NEB: variants seen among roughly 807,000 people sequenced by gnomAD.
The protein encoded by NEB is nemaline myopathy type 2.
Under a neutral mutation model 952.2 loss-of-function variants are expected in NEB, and 512 were observed. That is an observed-to-expected ratio of 0.54 (90% CI 0.50 to 0.58). The LOEUF (loss-of-function observed/expected upper bound fraction) is 0.58. NEB is among the 20% of genes least tolerant of loss of function. The pLI is 0.00. For synonymous variants in NEB, 2,900 were observed against 3,149.8 expected (o/e 0.92, Z 2.66); for missense variants, 8,428 against 9,231.1 (o/e 0.91, Z 3.56).
chr2:151,617,539 T>C (rs2098244603), intron 74 of NEB, 71 bp from the exon 75 acceptor site: 1 of 959,534 alleles, frequency 1.0e-6, no homozygotes, highest in Non-Finnish European at 1.5e-6. Flanking sequence ...ATTATTGTTT[T>C]GATTATGTGC....
Position 151,633,868 on chromosome 2 carries a change from G to A in NEB, c.9200C>T (p.Ala3067Val). 1 of 1,613,972 alleles carries A rather than the reference G, an allele frequency of 6.2e-7. No homozygotes were observed. The change falls in exon 65 of 182, where the codon GCC (alanine) becomes GTC (valine). Residue 3067 changes from alanine (A) to valine (V), a missense_variant. Transcript: ENST00000397345. Reference protein sequence around the residue: ...DPKMMWSMHVAKIQSDREYKK... With the variant: ...DPKMMWSMHVVKIQSDREYKK... ...GTACTCCCTGTCACTCTGGATCTTG[G>A]CTACGTGCATGGACCACATCATCTT...
intron 124 of NEB, among the ~76,000 whole-genome samples, chr2:151,559,726 T>C (rs1299093010): frequency 6.6e-6 from 1 of 152,038 alleles, no homozygotes; most frequent in African/African-American, 2.4e-5. Flanking sequence ...CACTCGTAAG[T>C]GGGGGTTGAA....
chr2:151,618,170 G>A, intron 74 of NEB, 105 bp downstream of exon 74: 3 of 989,344 alleles, frequency 3.0e-6, no homozygotes, highest in East Asian at 4.9e-5. Context: ...ATTTAAGAAG[G>A]TATCATAATG....
At chr2:151,723,706 T>G (rs1013195883) in intron 8 of NEB, among the ~76,000 whole-genome samples, 3 of 151,882 alleles carry the variant, frequency 2.0e-5, no homozygotes, top group Non-Finnish European at 2.9e-5. Context: ...CAGATGTGTC[T>G]GATTTTGTTT....
In NEB at chr2:151,496,271, A is replaced by C. The variant is rs778743839; in HGVS notation, c.24486+5T>G. ...AAGTAGTTTTTTTCTTTTCTCGCCA[A>C]GTACCGAGCTAATATTTTCTTGATT... is the stretch of plus-strand genomic sequence containing the variant. On this transcript the variant is annotated splice_donor_5th_base_variant and intron_variant, in intron 173 of 181. Coordinates refer to ENST00000397345, the MANE Select transcript of NEB (RefSeq NM_001164508.2). 2.5e-6 allele frequency: 4 copies of C among 1,601,114 alleles called. No individual in the cohort carries two copies. Among genetic ancestry groups the C allele is most frequent in the Non-Finnish European group, 3.4e-6 (4 of 1,170,654 alleles).
At chr2:151,665,135 T>C (rs1008894733) in intron 42 of NEB, among the ~76,000 whole-genome samples, 198 bp downstream of exon 42, 1 of 152,098 alleles carries the variant, frequency 6.6e-6, no homozygotes, top group Non-Finnish European at 1.5e-5. Context: ...ATTCTTAACA[T>C]GCTGTTGAGA....
chr2:151,486,162 A>C, intron 181 of NEB: 1 of 462,982 alleles, frequency 2.2e-6, no homozygotes, highest in Non-Finnish European at 3.9e-6. Flanking sequence ...CTACAACTCA[A>C]TGCCTTCCCC....
intron 129 of NEB, among the ~76,000 whole-genome samples, chr2:151,551,074 T>G (rs1356220542): frequency 6.6e-6 from 1 of 150,586 alleles, no homozygotes; most frequent in Non-Finnish European, 1.5e-5. Flanking sequence ...TTCAAAAGAT[T>G]CTCCTGCCTC....
chr2:151,679,661 A>AGCCCC, intron 32 of NEB, 60 bp downstream of exon 32: 2 of 492,382 alleles, frequency 4.1e-6, no homozygotes, highest in Non-Finnish European at 8.2e-6. Flanking sequence ...TCATCGTCAG[A>AGCCCC]CCCCAAGCCC....
In NEB at chr2:151,565,550, T is replaced by C. The variant is rs1577803967; in HGVS notation, c.18317A>G (p.Asp6106Gly). ...ENYPNFRSVV[D>G]PPEIVLAKIN... ...CTTGGCTAAAACAATCTCTGGAGGA[T>C]CCACCACACTTCTAAAGTTAGGATA... Residue 6106 changes from aspartate (D) to glycine (G), a missense_variant, in exon 116 of 182, where the codon GAT becomes GGT. By Grantham distance (94) the Asp-to-Gly change is moderately conservative. Transcript: ENST00000397345. 1 of 1,603,486 alleles carries C rather than the reference T, an allele frequency of 6.2e-7. No individual in the cohort carries two copies. Among genetic ancestry groups the C allele is most frequent in the East Asian group, 2.2e-5 (1 of 44,750 alleles).
At chr2:151,664,386 G>T in intron 44 of NEB, 115 bp downstream of exon 44, 4 of 680,632 alleles carry the variant, frequency 5.9e-6, no homozygotes, top group Non-Finnish European at 7.1e-6. Context: ...GTGTCACATG[G>T]GATGGCATTC....
Position 151,547,551 on chromosome 2 carries a change from C to A in NEB, c.20263-18G>T. On this transcript the variant is annotated intron_variant, in intron 132 of 181. Coordinates refer to ENST00000397345, the MANE Select transcript of NEB (RefSeq NM_001164508.2). Reference sequence around the variant, plus strand: ...TAGATCAACTAAAGAAAAAAAAATACCCCAAAACATATGTATTAGAGACCG... The same window carrying A: ...TAGATCAACTAAAGAAAAAAAAATAACCCAAAACATATGTATTAGAGACCG... The A allele has an allele frequency of 6.3e-7, 1 of 1,596,020 alleles. No homozygotes were observed. The highest frequency in any genetic ancestry group is 8.6e-7 in the Non-Finnish European group (1 of 1,167,912).
Position 151,524,614 on chromosome 2 carries a change from G to A in NEB, c.22275C>T (p.Val7425=), listed in dbSNP as rs2153439817. ...TCTCTTTGGCATCTTTTCTGTAAGC[G>A]ACCTTTATTGGGGAAGAAAATGTTT... The part of the protein sequence containing the change: ...AMEVAKKQSD[V]AYRKDAKENL... The change falls in exon 152 of 182, where the codon GTC becomes GTT. Residue 7425 remains valine, a splice_region_variant and synonymous_variant. Transcript: ENST00000397345. 1.3e-6 allele frequency: 2 copies of A among 1,489,092 alleles called. No individual in the cohort carries two copies. The highest frequency in any genetic ancestry group is 1.8e-6 in the Non-Finnish European group (2 of 1,087,624). The allele number at this position is 1,489,092 out of a possible 1,614,324, so 92.2% of individuals were successfully genotyped here.
intron 125 of NEB, among the ~76,000 whole-genome samples, chr2:151,554,645 C>T (rs1279488017): frequency 6.6e-6 from 1 of 152,160 alleles, no homozygotes; most frequent in Non-Finnish European, 1.5e-5. Context: ...TGGAGTTACC[C>T]TCATGTGTTG....
chr2:151,514,411 A>C lies in NEB; in HGVS notation c.23034T>G (p.Asp7678Glu), dbSNP rs773223249. 2.7e-5 allele frequency: 43 copies of C among 1,611,910 alleles called. No homozygotes were observed. The South Asian group carries it at 4.2e-4, about 16-fold the overall frequency. ...KIASEKEYRK[D>E]LEESIRGKGL... The stretch of plus-strand genomic sequence containing the variant: ...CCTTCCCACGGATGCTTTCCTCTAG[A>C]TCTTTCCTGTACTCTTTCTATATCA... Residue 7678 changes from aspartate to glutamate, a missense_variant, in exon 159 of 182, where the codon GAT becomes GAG. Transcript: ENST00000397345.
chr2:151,681,894 T>C (rs933561951), intron 29 of NEB, among the ~76,000 whole-genome samples: 2 of 152,156 alleles, frequency 1.3e-5, no homozygotes, highest in Non-Finnish European at 1.5e-5. Context: ...AACTGCATTA[T>C]TCATAATCAC....
chr2:151,614,713 A>G (rs2098133793), intron 76 of NEB, 126 bp from the exon 77 acceptor site: 3 of 1,156,642 alleles, frequency 2.6e-6, no homozygotes, highest in Non-Finnish European at 2.4e-6. Context: ...AGTGAGTATC[A>G]TCAACCCTAT....
Position 151,678,075 on chromosome 2 carries a change from T to C in NEB, c.3368A>G (p.Asp1123Gly). 6.2e-7 allele frequency: 1 copy of C among 1,613,932 alleles called. No individual in the cohort carries two copies. Among genetic ancestry groups the C allele is most frequent in the South Asian group, 1.1e-5 (1 of 91,072 alleles). Residue 1123 changes from aspartate (D) to glycine (G), a missense_variant, in exon 33 of 182, where the codon GAT (aspartate) becomes GGT (glycine). By Grantham distance (94) the Asp-to-Gly change is moderately conservative. Around this residue, in one of 11 missense-constraint regions of NEB, gnomAD observed 2,851 missense variants for 2,791.5 expected, o/e 1.02. Coordinates refer to ENST00000397345, the MANE Select transcript of NEB (RefSeq NM_001164508.2). ...CTCATAGTCTTTTTTATACTCCCGATCTGATTGTATCTTGGCCACGTTCAT... is the reference window on the plus strand; with the variant it reads ...CTCATAGTCTTTTTTATACTCCCGACCTGATTGTATCTTGGCCACGTTCAT... ...HYMNVAKIQS[D>G]REYKKDYEKT...
At chr2:151,577,356 C>G (rs1376246487) in intron 105 of NEB, among the ~76,000 whole-genome samples, 1 of 152,162 alleles carries the variant, frequency 6.6e-6, no homozygotes, top group East Asian at 1.9e-4. Flanking sequence ...CTCATCAGCC[C>G]TCTTTGCACA....
Sources: allele counts gnomAD v4.1 joint callset (sites outside exome capture counted in the v4.1 genomes callset), GRCh38; gene constraint gnomAD v4.1.1; regional missense constraint gnomAD v4.1.1; transcripts MANE v1.5; gene names NCBI Gene and HGNC (gene_info 2026-07-23, HGNC 2026-07-21).